PRDM5: variants seen among roughly 807,000 people sequenced by gnomAD.
PRDM5 encodes the protein PR domain zinc finger protein 5.
PRDM5 carries 56 observed loss-of-function variants against 81.2 expected under a neutral mutation model. That is an observed-to-expected ratio of 0.69 (90% CI 0.56 to 0.86). The LOEUF (loss-of-function observed/expected upper bound fraction) is 0.86, where lower values mean the gene tolerates loss of function less well. Among genes scored for constraint, PRDM5 ranks in the 40% least tolerant of loss-of-function variants. The pLI, the probability that PRDM5 is intolerant of heterozygous loss-of-function variation, is 0.00. For missense variants in PRDM5, 697 were observed against 770.1 expected, an observed-to-expected ratio of 0.91 and a Z score of 1.12; for synonymous variants, 267 against 256.4, an observed-to-expected ratio of 1.04 and a Z score of -0.39.
intron 9 of PRDM5, among the ~76,000 whole-genome samples, chr4:120,799,020 T>G (rs1751737532): frequency 6.6e-6 from 1 of 152,198 alleles, no homozygotes; most frequent in Non-Finnish European, 1.5e-5. Flanking sequence ...AACTTGCATA[T>G]TCAAAAACAT....
intron 2 of PRDM5, among the ~76,000 whole-genome samples, chr4:120,875,569 G>A (rs1388195454): frequency 6.6e-6 from 1 of 152,216 alleles, no homozygotes; most frequent in Non-Finnish European, 1.5e-5. Flanking sequence ...ATGGGAATCA[G>A]CCAAGTTTCC....
chr4:120,690,846 G>T (rs2148978314), downstream of PRDM5, among the ~76,000 whole-genome samples: 1 of 152,200 alleles, frequency 6.6e-6, no homozygotes, highest in African/African-American at 2.4e-5. Flanking sequence ...TCAAGCTTCA[G>T]TGGTCCTATA....
chr4:120,686,796 A>G (rs1733851828), intron 1 of PRDM5, among the ~76,000 whole-genome samples: 2 of 152,004 alleles, frequency 1.3e-5, no homozygotes, highest in Admixed American at 6.6e-5. Flanking sequence ...GTCTAATTGA[A>G]CATTAGTTTT....
chr4:120,718,317 A>G (rs1216694962), intron 14 of PRDM5, among the ~76,000 whole-genome samples: 2 of 152,196 alleles, frequency 1.3e-5, no homozygotes, highest in African/African-American at 4.8e-5. Flanking sequence ...CACACACAGA[A>G]AGACATTTTA....
intron 14 of PRDM5, among the ~76,000 whole-genome samples, chr4:120,749,400 G>T (rs908943995): frequency 5.3e-5 from 8 of 152,120 alleles, no homozygotes; most frequent in Non-Finnish European, 7.4e-5. Flanking sequence ...GCTCCATCAG[G>T]GTTCGTAAGA....
chr4:120,917,237 G>T (rs1724286191), intron 1 of PRDM5, among the ~76,000 whole-genome samples: 1 of 152,078 alleles, frequency 6.6e-6, no homozygotes, highest in Non-Finnish European at 1.5e-5. Flanking sequence ...CTTTACTGTA[G>T]CTGCCTCTTC....
intron 14 of PRDM5, among the ~76,000 whole-genome samples, chr4:120,735,442 G>A (rs1012664215): frequency 2.6e-5 from 4 of 152,090 alleles, no homozygotes; most frequent in Admixed American, 6.5e-5. Flanking sequence ...GATTCCAGCT[G>A]TGGTAACAGT....
At chr4:120,784,581 T>C (rs1021521070) in intron 11 of PRDM5, among the ~76,000 whole-genome samples, 1 of 152,102 alleles carries the variant, frequency 6.6e-6, no homozygotes, top group Non-Finnish European at 1.5e-5. Flanking sequence ...ACTCTGATCC[T>C]TTACAACTTG....
chr4:120,705,878 T>G (rs1011095351), intron 15 of PRDM5, among the ~76,000 whole-genome samples: 11 of 152,152 alleles, frequency 7.2e-5, no homozygotes, highest in Admixed American at 5.9e-4. Flanking sequence ...ACGTTCAGAC[T>G]CTGAACTTAT....
intron 14 of PRDM5, among the ~76,000 whole-genome samples, chr4:120,735,987 T>C (rs1741058305): frequency 6.6e-6 from 1 of 152,076 alleles, no homozygotes; most frequent in South Asian, 2.1e-4. Flanking sequence ...TTTCTCCTCA[T>C]CCTTACTCCT....
chr4:120,823,628 C>T (rs989075821), intron 3 of PRDM5, among the ~76,000 whole-genome samples: 2 of 152,174 alleles, frequency 1.3e-5, no homozygotes, highest in African/African-American at 4.8e-5. Context: ...TCCTACAAAT[C>T]CTGCAACTCT....
chr4:120,688,209 A>G (rs747465025), downstream of PRDM5, among the ~76,000 whole-genome samples: 1 of 148,298 alleles, frequency 6.7e-6, no homozygotes, highest in Non-Finnish European at 1.5e-5. Flanking sequence ...AGTGGTTTTG[A>G]TTTGCATTTC....
chr4:120,870,354 A>G (rs1761647389), intron 2 of PRDM5, among the ~76,000 whole-genome samples: 2 of 152,216 alleles, frequency 1.3e-5, no homozygotes, highest in Admixed American at 6.5e-5. Flanking sequence ...AGGACACACA[A>G]ACAAAAGACT....
At chr4:120,759,882 T>C (rs758356029) in intron 13 of PRDM5, among the ~76,000 whole-genome samples, 14 of 152,220 alleles carry the variant, frequency 9.2e-5, no homozygotes, top group Non-Finnish European at 1.9e-4. Flanking sequence ...CAAATCTAAA[T>C]GGAAATAATA....
rs941069418 is a variant in PRDM5 at position 120,781,235 on chromosome 4, C to T, written c.1351G>A (p.Val451Ile). The change falls in exon 12 of 16, where the codon GTC becomes ATC. Residue 451 changes from valine to isoleucine, a missense_variant. Physicochemically the swap from Val to Ile is conservative, Grantham distance 29. Transcript: ENST00000264808. Reference protein sequence around the residue: ...FKRKDTLNVHVQVVHERHKKY... With the variant: ...FKRKDTLNVHIQVVHERHKKY... ...TTGTGTCTTTCATGAACCACCTGGA[C>T]ATGAACATTTAATGTATCCTTCCTC... 3.1e-6 allele frequency: 5 copies of T among 1,613,058 alleles called. No homozygotes were observed. The highest frequency in any genetic ancestry group is 4.5e-5 in the East Asian group (2 of 44,832).
At chr4:120,767,155 A>G (rs926964700) in intron 13 of PRDM5, among the ~76,000 whole-genome samples, 1 of 152,232 alleles carries the variant, frequency 6.6e-6, no homozygotes. Flanking sequence ...AACAAAAAAT[A>G]AAAACATAAA....
Position 120,693,321 on chromosome 4 carries a change from C to T in PRDM5, c.*1790G>A, listed in dbSNP as rs1734202952. 6.6e-6 allele frequency: 1 copy of T among 152,068 alleles called. No homozygotes were observed. The highest frequency in any genetic ancestry group is 6.6e-5 in the Admixed American group (1 of 15,246). 9.4% of individuals were successfully genotyped at this position (152,068 alleles called of 1,614,324 possible). A position where few individuals can be genotyped will look rare whatever the true frequency, so the allele number is the denominator to read the frequency against. ...ATATACAGGATGTGCTTAAATAATA[C>T]ACACTATCAAATTTTACAGCTGTCT... On this transcript the variant is annotated 3_prime_UTR_variant, in exon 16 of 16. Coordinates refer to ENST00000264808, the MANE Select transcript of PRDM5 (RefSeq NM_018699.4).
intron 3 of PRDM5, among the ~76,000 whole-genome samples, chr4:120,847,445 T>C (rs1758787191): frequency 1.3e-5 from 2 of 152,016 alleles, no homozygotes; most frequent in Non-Finnish European, 2.9e-5. Context: ...AACTGAAGCC[T>C]CCTGCCATGT....
At chr4:120,741,312 T>C (rs998065669) in intron 14 of PRDM5, among the ~76,000 whole-genome samples, 2 of 152,108 alleles carry the variant, frequency 1.3e-5, no homozygotes, top group Non-Finnish European at 2.9e-5. Flanking sequence ...AACATCTTAA[T>C]TCAAATAGAA....
Sources: allele counts gnomAD v4.1 joint callset (sites outside exome capture counted in the v4.1 genomes callset), GRCh38; gene constraint gnomAD v4.1.1; transcripts MANE v1.5; gene names NCBI Gene and HGNC (gene_info 2026-07-23, HGNC 2026-07-21).